CYTH4: variants seen among roughly 807,000 people sequenced by gnomAD.
CYTH4 encodes cytohesin 4.
A neutral mutation model predicts 57.5 loss-of-function variants in CYTH4; 22 were observed. The observed-to-expected ratio is 0.38, with a 90% CI of 0.27 to 0.55. The LOEUF is 0.55. Among genes scored for constraint, CYTH4 ranks in the 20% least tolerant of loss-of-function variants. The pLI is 0.74. For synonymous variants in CYTH4, 186 were observed against 206.5 expected (o/e 0.90, Z 0.85); for missense variants, 420 against 535.6 (o/e 0.78, Z 2.13).
At chr22:37,307,793 T>C (rs1182003240) in intron 8 of CYTH4, among the ~76,000 whole-genome samples, 1 of 152,186 alleles carries the variant, frequency 6.6e-6, no homozygotes, top group Non-Finnish European at 1.5e-5. Context: ...CAGTTTAGAA[T>C]AGTTCTCCAA....
At chr22:37,294,522 G>T in intron 2 of CYTH4, 138 bp from the exon 3 acceptor site, 3 of 825,878 alleles carry the variant, frequency 3.6e-6, no homozygotes, top group South Asian at 3.4e-5. Context: ...TCAGACTGGG[G>T]ACTCAGGACA....
At position 37,311,195 on chromosome 22, in the gene CYTH4, A is replaced by G; in HGVS notation, c.885+131A>G. 7.4e-6 allele frequency: 8 copies of G among 1,078,952 alleles called. No individual in the cohort carries two copies. The highest frequency in any genetic ancestry group is 1.1e-5 in the Non-Finnish European group (8 of 722,064). 66.8% of individuals were successfully genotyped at this position (1,078,952 alleles called of 1,614,324 possible). On this transcript the variant is annotated intron_variant, in intron 10 of 12. Transcript: ENST00000248901. The surrounding 1 kb of genome is among the most constrained non-coding windows in gnomAD (Gnocchi z 4.4). The stretch of plus-strand genomic sequence containing the variant: ...GATCATTCAGTCCCCCTCCATGCCC[A>G]TTTTACAGATGGGGAAAACGGGTAC...
chr22:37,293,663 C>CA (rs780227277), intron 2 of CYTH4, among the ~76,000 whole-genome samples: 20 of 152,218 alleles, frequency 1.3e-4, no homozygotes, highest in Non-Finnish European at 2.8e-4. Context: ...AGCCCCTCAC[C>CA]AGCACCCTGC....
chr22:37,295,033 C>T lies in CYTH4; in HGVS notation c.167+309C>T, dbSNP rs1429533430. Among the ~76,000 whole-genome samples, 5 of 152,072 alleles carry T rather than the reference C, an allele frequency of 3.3e-5. No homozygotes were observed. In the East Asian group the frequency reaches 7.7e-4, roughly 23 times the overall value. ...CTGGCCACATCCACCCTGGGATGGG[C>T]GGGGAGAAGGGAAGCTCAGCCCCAA... is the stretch of plus-strand genomic sequence containing the variant. On this transcript the variant is annotated intron_variant, in intron 3 of 12. Coordinates refer to ENST00000248901, the MANE Select transcript of CYTH4 (RefSeq NM_013385.5). This position sits in a 1 kb window ranked among gnomAD's most constrained non-coding sequence, Gnocchi z 4.1.
At chr22:37,286,113 G>T in intron 1 of CYTH4, among the ~76,000 whole-genome samples, 1 of 152,202 alleles carries the variant, frequency 6.6e-6, no homozygotes, top group East Asian at 1.9e-4. Flanking sequence ...GGTTGGGTGG[G>T]GGCAACTGCA....
chr22:37,295,892 A>C lies in CYTH4; in HGVS notation c.168-107A>C. 8.6e-7 allele frequency: 1 copy of C among 1,167,930 alleles called. No homozygotes were observed. Among genetic ancestry groups the C allele is most frequent in the Non-Finnish European group, 1.2e-6 (1 of 801,954 alleles). 72.3% of individuals were successfully genotyped at this position (1,167,930 alleles called of 1,614,324 possible). On this transcript the variant is annotated intron_variant, in intron 3 of 12. Coordinates refer to ENST00000248901, the MANE Select transcript of CYTH4 (RefSeq NM_013385.5). This position sits in a 1 kb window ranked among gnomAD's most constrained non-coding sequence, Gnocchi z 4.1. ...TGCAGGACCCGGAGGCCACACTTGG[A>C]GGGCCCTAGAGGGGTATGGGCTCCT...
rs1335401368 is a variant in CYTH4, at chr22:37,298,578, G to T, written c.354-648G>T. Reference sequence around the variant, plus strand: ...GGAGTAGCAAGTAAAAAGGCCCTGGGGTCAGAAACAGGCTCAAGAATCTAG... The same window carrying T: ...GGAGTAGCAAGTAAAAAGGCCCTGGTGTCAGAAACAGGCTCAAGAATCTAG... On this transcript the variant is annotated intron_variant, in intron 5 of 12. Transcript: ENST00000248901. This position sits in a 1 kb window ranked among gnomAD's most constrained non-coding sequence, Gnocchi z 4.1. 1.3e-5 allele frequency among the ~76,000 whole-genome samples: 2 copies of T among 152,070 alleles called. No homozygotes were observed. Among genetic ancestry groups the T allele is most frequent in the Non-Finnish European group, 2.9e-5 (2 of 68,022 alleles).
In CYTH4 at chr22:37,295,228, T is replaced by A. The variant is rs1928909053; in HGVS notation, c.167+504T>A. Among the ~76,000 whole-genome samples, 1 of 152,140 alleles carries A rather than the reference T, an allele frequency of 6.6e-6. No homozygotes were observed. ...CTCTCTGGGTCTCAGTTTCCCCATC[T>A]GTGCAACAAGAAGGTTGGTTGCTAC... is the stretch of plus-strand genomic sequence containing the variant. On this transcript the variant is annotated intron_variant, in intron 3 of 12. Coordinates refer to ENST00000248901, the MANE Select transcript of CYTH4 (RefSeq NM_013385.5). The surrounding 1 kb of genome is among the most constrained non-coding windows in gnomAD (Gnocchi z 4.1).
In CYTH4 at chr22:37,313,675, G is replaced by T; in HGVS notation, c.*164G>T. On this transcript the variant is annotated 3_prime_UTR_variant, in exon 13 of 13. Coordinates refer to ENST00000248901, the MANE Select transcript of CYTH4 (RefSeq NM_013385.5). The stretch of plus-strand genomic sequence containing the variant: ...TAGAGGGGAAGGCAGAGCTCAGGAG[G>T]GTGGGTGGGAGCTGCAGTGGGCTCA... 2.9e-6 allele frequency: 2 copies of T among 684,332 alleles called. No homozygotes were observed. The highest frequency in any genetic ancestry group is 3.6e-5 in the South Asian group (2 of 54,882). The allele number at this position is 684,332 out of a possible 1,614,324, so 42.4% of individuals were successfully genotyped here.
At position 37,311,648 on chromosome 22, in the gene CYTH4, C is replaced by T. The variant is rs1457053199; in HGVS notation, c.957+121C>T. ...AGCCAGGCTGTGCCCCTTACACCTT[C>T]CCTGTGGCTCAGGGCTGCCTTCTCT... On this transcript the variant is annotated intron_variant, in intron 11 of 12. Transcript: ENST00000248901. The surrounding 1 kb of genome is among the most constrained non-coding windows in gnomAD (Gnocchi z 4.4). The T allele has an allele frequency of 2.0e-6, 2 of 1,005,730 alleles. No individual in the cohort carries two copies. The highest frequency in any genetic ancestry group is 3.2e-5 in the African/African-American group (2 of 62,588). 62.3% of individuals were successfully genotyped at this position (1,005,730 alleles called of 1,614,324 possible). A position where few individuals can be genotyped will look rare whatever the true frequency, so the allele number is the denominator to read the frequency against.
Position 37,309,246 on chromosome 22 carries a change from C to T in CYTH4, c.731C>T (p.Ser244Phe). ...GACAGCATCAAGAGTGAGCCATTCT[C>T]CATCCCTGAGGACGACGGCAATGAC... is the stretch of plus-strand genomic sequence containing the variant. ...LFDSIKSEPF[S>F]IPEDDGNDLT... The change falls in exon 9 of 13, where the codon TCC (serine) becomes TTC (phenylalanine). Residue 244 changes from serine (S) to phenylalanine (F), a missense_variant. Ser to Phe is a radical substitution (Grantham distance 155, BLOSUM62 -2). Coordinates refer to ENST00000248901, the MANE Select transcript of CYTH4 (RefSeq NM_013385.5). The T allele has an allele frequency of 6.2e-7, 1 of 1,614,126 alleles. No individual in the cohort carries two copies. The highest frequency in any genetic ancestry group is 8.5e-7 in the Non-Finnish European group (1 of 1,179,984).
chr22:37,288,193 T>C (rs1467401248), intron 1 of CYTH4, among the ~76,000 whole-genome samples: 2 of 151,990 alleles, frequency 1.3e-5, no homozygotes, highest in African/African-American at 2.4e-5. Context: ...AGTGGGCAGA[T>C]TGTGAGGTCA....
chr22:37,311,215 G>A lies in CYTH4; in HGVS notation c.885+151G>A, dbSNP rs925298417. ...TGCCCATTTTACAGATGGGGAAAAC[G>A]GGTACACAGAGGAGGGCCGGGCCAA... On this transcript the variant is annotated intron_variant, in intron 10 of 12. Coordinates refer to ENST00000248901, the MANE Select transcript of CYTH4 (RefSeq NM_013385.5). This position sits in a 1 kb window ranked among gnomAD's most constrained non-coding sequence, Gnocchi z 4.4. 2.8e-5 allele frequency: 28 copies of A among 1,007,926 alleles called. No individual in the cohort carries two copies. The highest frequency in any genetic ancestry group is 2.3e-4 in the Admixed American group (11 of 47,008). 62.4% of individuals were successfully genotyped at this position (1,007,926 alleles called of 1,614,324 possible). A position where few individuals can be genotyped will look rare whatever the true frequency, so the allele number is the denominator to read the frequency against.
At chr22:37,289,087 G>A (rs1928655303) in intron 1 of CYTH4, among the ~76,000 whole-genome samples, 1 of 152,182 alleles carries the variant, frequency 6.6e-6, no homozygotes, top group African/African-American at 2.4e-5. Flanking sequence ...AGAATAGAAG[G>A]GGTTTCATGG....
intron 4 of CYTH4, chr22:37,296,439 G>T: frequency 4.3e-6 from 1 of 233,554 alleles, no homozygotes; most frequent in Non-Finnish European, 8.6e-6. Flanking sequence ...CTCAGGGAGG[G>T]CCAGTCCTGC....
rs1281129373 is a variant in CYTH4 at position 37,303,130 on chromosome 22, CA to C, written c.548-122del. 2.1e-6 allele frequency: 3 copies of C among 1,422,736 alleles called. No homozygotes were observed. The African/African-American group carries it at 5.6e-5, about 27-fold the overall frequency. The allele number at this position is 1,422,736 out of a possible 1,614,324, so 88.1% of individuals were successfully genotyped here. On this transcript the variant is annotated intron_variant, in intron 7 of 12. Coordinates refer to ENST00000248901, the MANE Select transcript of CYTH4 (RefSeq NM_013385.5). ...GGAGAGGAGGCTGGGCCTCAAAGCC[CA>C]AGCCAGGAGGACAAGGTGGACCTTC... is the stretch of plus-strand genomic sequence containing the variant.
chr22:37,297,750 G>A (rs952121149), intron 5 of CYTH4, 68 bp downstream of exon 5: 19 of 1,336,592 alleles, frequency 1.4e-5, no homozygotes, highest in Non-Finnish European at 1.7e-5. Flanking sequence ...GTGTGTGGAT[G>A]TGCAGGTGAG....
rs181169077 is a variant in CYTH4 at position 37,286,393 on chromosome 22, C to T, written c.19+3805C>T. On this transcript the variant is annotated intron_variant, in intron 1 of 12. Transcript: ENST00000248901. ...ATGAGCTTAGAAGTACCTTTCCTTTCGGAGTGGTTGTGGGATTCAATGAGA... is the reference window on the plus strand; with the variant it reads ...ATGAGCTTAGAAGTACCTTTCCTTTTGGAGTGGTTGTGGGATTCAATGAGA... Among the ~76,000 whole-genome samples the T allele has an allele frequency of 1.7e-3, 263 of 152,214 alleles. 2 individuals are homozygous for T. Among genetic ancestry groups the T allele is most frequent in the African/African-American group, 6.1e-3 (254 of 41,532 alleles).
At chr22:37,296,768 C>A (rs906536286) in intron 4 of CYTH4, among the ~76,000 whole-genome samples, 3 of 152,182 alleles carry the variant, frequency 2.0e-5, no homozygotes, top group African/African-American at 7.2e-5. Flanking sequence ...CTCCTACCCA[C>A]AGAGACCCCC....
Sources: allele counts gnomAD v4.1 joint callset (sites outside exome capture counted in the v4.1 genomes callset), GRCh38; gene constraint gnomAD v4.1.1; non-coding constraint Gnocchi (gnomAD v3.1); transcripts MANE v1.5; gene names NCBI Gene and HGNC (gene_info 2026-07-23, HGNC 2026-07-21).